PHF21B: variants seen among roughly 807,000 people sequenced by gnomAD.
PHF21B encodes PHD finger protein 21B.
In PHF21B, 22 loss-of-function variants were observed where a neutral mutation model predicts 62.2. The observed-to-expected ratio is 0.35, with a 90% CI of 0.25 to 0.51. PHF21B has a LOEUF of 0.51. Ranked by LOEUF, PHF21B falls within the 20% of genes least tolerant of loss-of-function variation. The probability of loss-of-function intolerance (pLI) is 0.97; values close to 1 mark genes in which losing one functional copy is unlikely to be tolerated. For missense variants in PHF21B, 701 were observed against 707.9 expected, an observed-to-expected ratio of 0.99 and a Z score of 0.11; for synonymous variants, 341 against 314.7, an observed-to-expected ratio of 1.08 and a Z score of -0.88.
chr22:44,995,520 C>A (rs1237477512), intron 2 of PHF21B, among the ~76,000 whole-genome samples: 1 of 152,112 alleles, frequency 6.6e-6, no homozygotes, highest in Non-Finnish European at 1.5e-5. Context: ...GGTTGTGTGA[C>A]CAGCTCCTCC....
chr22:44,972,827 G>T (rs943102278), intron 2 of PHF21B, among the ~76,000 whole-genome samples: 2 of 152,170 alleles, frequency 1.3e-5, no homozygotes, highest in East Asian at 3.9e-4. Context: ...CTACAGACAG[G>T]GACTGTGTCT....
intron 2 of PHF21B, among the ~76,000 whole-genome samples, chr22:44,999,161 A>G (rs1228673626): frequency 6.6e-6 from 1 of 152,184 alleles, no homozygotes; most frequent in African/African-American, 2.4e-5. Context: ...TTCTCCCCAC[A>G]CTGGGACTGC....
chr22:44,894,707 C>A (rs1345191329), intron 6 of PHF21B, among the ~76,000 whole-genome samples: 1 of 152,160 alleles, frequency 6.6e-6, no homozygotes, highest in Non-Finnish European at 1.5e-5. Context: ...GGCTTCCCTG[C>A]CCAGGGATCT....
chr22:44,981,537 G>T (rs1037016475), intron 2 of PHF21B, among the ~76,000 whole-genome samples: 1 of 152,256 alleles, frequency 6.6e-6, no homozygotes, highest in Non-Finnish European at 1.5e-5. Flanking sequence ...CTAATGATCA[G>T]GGAAATGTGA....
chr22:44,996,850 GCA>G (rs980245560), intron 2 of PHF21B, among the ~76,000 whole-genome samples: 13 of 150,830 alleles, frequency 8.6e-5, no homozygotes, highest in African/African-American at 2.7e-4. Context: ...ACGAACACAT[GCA>G]CACACACACA....
At chr22:44,922,241 G>A (rs944866308) in intron 2 of PHF21B, among the ~76,000 whole-genome samples, 19 of 152,228 alleles carry the variant, frequency 1.2e-4, no homozygotes, top group Admixed American at 2.0e-4. Flanking sequence ...ATAACACATG[G>A]AAGAAGAAAA....
At chr22:44,931,444 C>T (rs1436672524) in intron 2 of PHF21B, among the ~76,000 whole-genome samples, 2 of 152,338 alleles carry the variant, frequency 1.3e-5, no homozygotes, top group African/African-American at 4.8e-5. Flanking sequence ...GAGGCCTTTA[C>T]AGGCAGCTGC....
Position 44,913,909 on chromosome 22 carries a change from C to T in PHF21B, c.744G>A (p.Ser248=), listed in dbSNP as rs201098344. 2.5e-5 allele frequency: 41 copies of T among 1,613,446 alleles called. No individual in the cohort carries two copies. Among genetic ancestry groups the T allele is most frequent in the South Asian group, 1.5e-4 (14 of 91,040 alleles). Residue 248 remains serine, a synonymous_variant, in exon 5 of 13, where the codon TCG becomes TCA. Transcript: ENST00000313237. ...VQTQPESTAE[S]RPPTEEPSQG... is the part of the protein sequence containing the mutation. ...GAGATGGCTCCTCTGTGGGCGGCCG[C>T]GACTCTGCCGTGCTCTCGGGCTGCG...
intron 10 of PHF21B, among the ~76,000 whole-genome samples, chr22:44,886,688 CA>C (rs1171261781): frequency 0.05 from 6,932 of 139,976 alleles, 225 homozygotes; most frequent in African/African-American, 0.1. Context: ...CCCTGTCTAC[CA>C]AAAAAAAAAA....
intron 12 of PHF21B, among the ~76,000 whole-genome samples, chr22:44,884,362 CCAA>C (rs1291479046): frequency 2.0e-5 from 2 of 99,334 alleles, no homozygotes; most frequent in Admixed American, 9.6e-5. Flanking sequence ...ACCACGATCA[CCAA>C]CGTCACCACC....
At chr22:44,968,730 A>T (rs917137348) in intron 2 of PHF21B, among the ~76,000 whole-genome samples, 66 of 152,064 alleles carry the variant, frequency 4.3e-4, no homozygotes, top group African/African-American at 1.6e-3. Flanking sequence ...CATTATACTT[A>T]TCCACTGAGC....
intron 2 of PHF21B, among the ~76,000 whole-genome samples, chr22:44,979,465 G>A (rs112316037): frequency 2.6e-5 from 4 of 152,348 alleles, no homozygotes; most frequent in African/African-American, 9.6e-5. Flanking sequence ...TAGGAAGGCA[G>A]ACCCTGACCC....
chr22:44,903,621 CTG>C (rs1447357883), intron 5 of PHF21B, among the ~76,000 whole-genome samples: 7 of 152,336 alleles, frequency 4.6e-5, no homozygotes, highest in Admixed American at 3.9e-4. Context: ...GTGTTCAAAA[CTG>C]TGTTCTGCAG....
At chr22:44,955,150 T>C (rs76672079) in intron 2 of PHF21B, among the ~76,000 whole-genome samples, 29,971 of 152,134 alleles carry the variant, frequency 0.2, 3,182 homozygotes, top group Middle Eastern at 0.32. Context: ...CCCAGAGTCC[T>C]GGCCTCGGAG....
chr22:44,997,482 G>A (rs1004678582), intron 2 of PHF21B, among the ~76,000 whole-genome samples: 14 of 152,082 alleles, frequency 9.2e-5, no homozygotes, highest in African/African-American at 3.4e-4. Context: ...TGTCAACCCA[G>A]AGTTTAACAA....
At chr22:44,923,360 C>G (rs972781947) in intron 2 of PHF21B, among the ~76,000 whole-genome samples, 3 of 146,844 alleles carry the variant, frequency 2.0e-5, no homozygotes, top group African/African-American at 7.5e-5. Flanking sequence ...ACAAATGGAT[C>G]AGAGATCTGA....
chr22:44,929,504 C>T (rs900537027), intron 2 of PHF21B, among the ~76,000 whole-genome samples: 7 of 152,212 alleles, frequency 4.6e-5, no homozygotes, highest in African/African-American at 1.2e-4. Flanking sequence ...AGCCCACGTG[C>T]GTTTACCACC....
intron 9 of PHF21B, among the ~76,000 whole-genome samples, 200 bp from the exon 10 acceptor site, chr22:44,888,321 G>A (rs1012504870): frequency 6.6e-6 from 1 of 152,130 alleles, no homozygotes; most frequent in Non-Finnish European, 1.5e-5. Flanking sequence ...CCTGGGAGGA[G>A]GGGGGGCACC....
chr22:44,979,845 GA>G (rs199655345), intron 2 of PHF21B, among the ~76,000 whole-genome samples: 10,398 of 151,952 alleles, frequency 0.068, 412 homozygotes, highest in Middle Eastern at 0.14. Flanking sequence ...GAGGCAGGGG[GA>G]TCATTTGAGG....
Sources: gnomAD v4.1 joint callset for allele counts (sites outside exome capture counted in the v4.1 genomes callset) on GRCh38, gnomAD v4.1.1 for gene constraint, MANE v1.5 for transcripts, NCBI Gene and HGNC (gene_info 2026-07-23, HGNC 2026-07-21) for gene names.